EED: variants seen among roughly 807,000 people sequenced by gnomAD.
The protein encoded by EED is embryonic ectoderm development.
In EED, 9 loss-of-function variants were observed where a neutral mutation model predicts 61.0. That is an observed-to-expected ratio of 0.15 (90% CI 0.09 to 0.26). The LOEUF is 0.26. EED is among the 10% of genes least tolerant of loss of function. The pLI, the probability that EED is intolerant of heterozygous loss-of-function variation, is 1.00. For synonymous variants in EED, 187 were observed against 174.4 expected (o/e 1.07, Z -0.57); for missense variants, 315 against 542.3 (o/e 0.58, Z 4.16).
At chr11:86,281,442 T>C (rs781640167), downstream of EED, among the ~76,000 whole-genome samples, 6 of 152,234 alleles carry the variant, frequency 3.9e-5, no homozygotes, top group Non-Finnish European at 7.3e-5. Flanking sequence ...ATTTCTGCTC[T>C]GATCTTTGTT....
chr11:86,282,714 G>C (rs1946337442), downstream of EED, among the ~76,000 whole-genome samples: 2 of 152,130 alleles, frequency 1.3e-5, no homozygotes. Flanking sequence ...TAAAGAGCTA[G>C]ATAGTACATA....
At chr11:86,269,239 G>A (rs1195827438) in intron 9 of EED, among the ~76,000 whole-genome samples, 1 of 152,108 alleles carries the variant, frequency 6.6e-6, no homozygotes, top group Non-Finnish European at 1.5e-5. Context: ...AAAATTCCAA[G>A]TACTTCAAAA....
chr11:86,264,794 C>T (rs1259949738), intron 7 of EED: 1 of 152,124 alleles, frequency 6.6e-6, no homozygotes, highest in Admixed American at 6.6e-5. Flanking sequence ...TCCATTGGTC[C>T]ATTATACAAG....
chr11:86,276,871 C>T, intron 9 of EED, 109 bp from the exon 10 acceptor site: 1 of 941,342 alleles, frequency 1.1e-6, no homozygotes, highest in Non-Finnish European at 1.5e-6. Flanking sequence ...ATGGATTAAC[C>T]AGGTTCTAAG....
chr11:86,258,070 T>C (rs934108592), intron 6 of EED, among the ~76,000 whole-genome samples: 1 of 152,326 alleles, frequency 6.6e-6, no homozygotes. Flanking sequence ...ATCTGTTAGT[T>C]ATTTTTCCTG....
At position 86,249,142 on chromosome 11, in the gene EED, A is replaced by G. The variant is rs527493237; in HGVS notation, c.115-1154A>G. On this transcript the variant is annotated intron_variant, in intron 1 of 11. Coordinates refer to ENST00000263360, the MANE Select transcript of EED (RefSeq NM_003797.5). ...GTTTGATGTTAATTATGTGAATACAACTGAAAAGGTGGAGAGAAAAAGAGA... is the reference window on the plus strand; with the variant it reads ...GTTTGATGTTAATTATGTGAATACAGCTGAAAAGGTGGAGAGAAAAAGAGA... 6.2e-4 allele frequency among the ~76,000 whole-genome samples: 95 copies of G among 152,328 alleles called. No individual in the cohort carries two copies. The Middle Eastern group carries it at 0.01, about 16-fold the overall frequency.
intron 3 of EED, among the ~76,000 whole-genome samples, chr11:86,255,009 G>A (rs187485631): frequency 1.7e-4 from 26 of 152,330 alleles, no homozygotes; most frequent in Admixed American, 5.2e-4. Context: ...ATTGGAAATC[G>A]AAACGACTAT....
At chr11:86,258,779 C>T (rs1317396422) in intron 6 of EED, among the ~76,000 whole-genome samples, 2 of 151,852 alleles carry the variant, frequency 1.3e-5, no homozygotes, top group African/African-American at 4.8e-5. Flanking sequence ...TGGTCTTGAA[C>T]TCCTGACCTC....
chr11:86,263,890 A>G (rs1256843214), intron 6 of EED: 6 of 340,816 alleles, frequency 1.8e-5, no homozygotes, highest in African/African-American at 4.2e-5. Context: ...TGGAGCCCCC[A>G]TGACCTAAAT....
At chr11:86,260,081 TC>T (rs1945788074) in intron 6 of EED, among the ~76,000 whole-genome samples, 1 of 152,166 alleles carries the variant, frequency 6.6e-6, no homozygotes, top group Admixed American at 6.5e-5. Flanking sequence ...AAAATTGAAA[TC>T]AAGGAATCAT....
chr11:86,285,662 A>G, the EED span, among the ~76,000 whole-genome samples: 1 of 151,936 alleles, frequency 6.6e-6, no homozygotes, highest in Admixed American at 6.6e-5. Flanking sequence ...CAGGGGTGTG[A>G]TTTCAGCTCA....
chr11:86,255,518 A>T (rs10898456), intron 4 of EED, among the ~76,000 whole-genome samples: 1 of 152,004 alleles, frequency 6.6e-6, no homozygotes, highest in Non-Finnish European at 1.5e-5. Flanking sequence ...CCATTGTGGG[A>T]TGGATGTGCT....
At chr11:86,276,839 T>C (rs148765052) in intron 9 of EED, 141 bp from the exon 10 acceptor site, 2 of 545,560 alleles carry the variant, frequency 3.7e-6, no homozygotes, top group Non-Finnish European at 5.7e-6. Flanking sequence ...TATAAATGAA[T>C]GTACATCACT....
intron 6 of EED, among the ~76,000 whole-genome samples, chr11:86,261,404 GC>G (rs143640418): frequency 0.024 from 3,620 of 152,326 alleles, 151 homozygotes; most frequent in East Asian, 0.13. Flanking sequence ...GCCTTGGGCA[GC>G]CCCATCTTTA....
the EED span, among the ~76,000 whole-genome samples, chr11:86,286,480 T>C: frequency 6.6e-6 from 1 of 152,166 alleles, no homozygotes; most frequent in South Asian, 2.1e-4. Flanking sequence ...GACTTTAAAA[T>C]TATCTTTAAG....
chr11:86,253,247 T>C (rs1392716951), intron 3 of EED, among the ~76,000 whole-genome samples: 1 of 152,236 alleles, frequency 6.6e-6, no homozygotes, highest in Non-Finnish European at 1.5e-5. Flanking sequence ...GTTTAGTTCC[T>C]AGATTCTTTG....
intron 9 of EED, 22 bp from the exon 10 acceptor site, chr11:86,276,958 C>T (rs1490652739): frequency 2.1e-6 from 3 of 1,459,326 alleles, no homozygotes; most frequent in Middle Eastern, 1.9e-4. Flanking sequence ...ATTTCTTTTT[C>T]TCATTTCTCT....
At chr11:86,251,202 ATGACAT>A (rs1156404448) in intron 2 of EED, among the ~76,000 whole-genome samples, 1 of 152,194 alleles carries the variant, frequency 6.6e-6, no homozygotes, top group Admixed American at 6.5e-5. Context: ...AGCTATGACT[ATGACAT>A]TTTTCTGTCT....
At chr11:86,268,683 G>C (rs898288560) in intron 9 of EED, 122 bp downstream of exon 9, 12 of 554,758 alleles carry the variant, frequency 2.2e-5, no homozygotes, top group Non-Finnish European at 3.4e-5. Flanking sequence ...TTATTAAATT[G>C]AATGGCAGCT....
Sources: gnomAD v4.1 joint callset for allele counts (sites outside exome capture counted in the v4.1 genomes callset) on GRCh38, gnomAD v4.1.1 for gene constraint, MANE v1.5 for transcripts, NCBI Gene and HGNC (gene_info 2026-07-23, HGNC 2026-07-21) for gene names.